Variants in TRANK1 observed in about 807,000 individuals in gnomAD.
The protein encoded by TRANK1 is TPR and ankyrin repeat-containing protein 1.
Under a neutral mutation model 266.0 loss-of-function variants are expected in TRANK1, and 198 were observed. The observed-to-expected ratio is 0.74, with a 90% CI of 0.66 to 0.84. The LOEUF (loss-of-function observed/expected upper bound fraction) is 0.84, where lower values mean the gene tolerates loss of function less well. Among genes scored for constraint, TRANK1 ranks in the 40% least tolerant of loss-of-function variants. The pLI is 0.00. For synonymous variants in TRANK1, 1,396 were observed against 1,384.1 expected (o/e 1.01, Z -0.19); for missense variants, 3,326 against 3,634.6 (o/e 0.92, Z 2.18).
intron 21 of TRANK1, 74 bp from the exon 22 acceptor site, chr3:36,833,993 C>A: frequency 7.0e-6 from 10 of 1,420,080 alleles, no homozygotes; most frequent in Non-Finnish European, 8.4e-6. Flanking sequence ...AAATACAGTG[C>A]AGAGCAACTT....
intron 8 of TRANK1, among the ~76,000 whole-genome samples, chr3:36,881,879 T>C (rs1341039735): frequency 6.6e-6 from 1 of 152,200 alleles, no homozygotes; most frequent in Non-Finnish European, 1.5e-5. Context: ...TTCTTTCACC[T>C]AGCATAACGC....
At chr3:36,939,744 C>G (rs1282616293) in intron 1 of TRANK1, among the ~76,000 whole-genome samples, 2 of 152,240 alleles carry the variant, frequency 1.3e-5, no homozygotes, top group East Asian at 3.9e-4. Flanking sequence ...AGCTCACATT[C>G]CAGTACAGGT....
chr3:36,908,475 CGCTT>C, intron 1 of TRANK1, 21 bp from the exon 2 acceptor site: 1 of 1,232,166 alleles, frequency 8.1e-7, no homozygotes, highest in Non-Finnish European at 1.0e-6. Context: ...ACGGGGGAGA[CGCTT>C]GCTGCCAGAC....
rs1318813100 is a variant in TRANK1 at position 36,852,282 on chromosome 3, T to C, written c.4613A>G (p.Asp1538Gly). The C allele has an allele frequency of 6.2e-7, 1 of 1,612,428 alleles. No individual in the cohort carries two copies. The highest frequency in any genetic ancestry group is 8.5e-7 in the Non-Finnish European group (1 of 1,179,258). ...LLQFYFPESF[D>G]RLPRDSGLFD... The stretch of plus-strand genomic sequence containing the variant: ...GAGGCCAGAATCCCTTGGAAGGCGA[T>C]CAAAAGATTCTGGGAAATAGAACTG... The change falls in exon 14 of 24, where the codon GAT (aspartate) becomes GGT (glycine). Residue 1538 changes from aspartate to glycine, a missense_variant. By Grantham distance (94) the Asp-to-Gly change is moderately conservative. Transcript: ENST00000645898.
Position 36,855,620 on chromosome 3 carries a change from G to T in TRANK1, c.4102C>A (p.Leu1368Ile). The part of the protein sequence containing the change: ...FEALSCPHGR[L>I]TEEVYKKLGR... ...AATTTCTTATATACTTCTTCAGTGA[G>T]TCTCCCATGGGGACAGCTGAGGGCC... Residue 1368 changes from leucine (L) to isoleucine (I), a missense_variant, in exon 13 of 24, where the codon CTC becomes ATC. Coordinates refer to ENST00000645898, the MANE Select transcript of TRANK1 (RefSeq NM_001329998.2). 6.2e-7 allele frequency: 1 copy of T among 1,613,880 alleles called. No individual in the cohort carries two copies. The highest frequency in any genetic ancestry group is 8.5e-7 in the Non-Finnish European group (1 of 1,179,866).
chr3:36,859,236 G>A (rs893825349), intron 11 of TRANK1, among the ~76,000 whole-genome samples: 42 of 150,666 alleles, frequency 2.8e-4, no homozygotes, highest in Non-Finnish European at 5.3e-4. Flanking sequence ...ACCTGACACA[G>A]TCAGTGTGAG....
intron 1 of TRANK1, among the ~76,000 whole-genome samples, chr3:36,913,400 T>TGCTTGCTTGCTTGCTC (rs1239907325): frequency 6.6e-5 from 10 of 152,060 alleles, no homozygotes; most frequent in African/African-American, 2.4e-4. Context: ...TTTGCTTGCT[T>TGCTTGCTTGCTTGCTC]GCTTGCTTGC....
At chr3:36,858,956 G>C in intron 11 of TRANK1, 62 bp from the exon 12 acceptor site, 1 of 1,437,062 alleles carries the variant, frequency 7.0e-7, no homozygotes, top group Non-Finnish European at 9.2e-7. Flanking sequence ...CCTGACGAGA[G>C]AAGGAATGCT....
In TRANK1 at chr3:36,860,997, G is replaced by A; in HGVS notation, c.1404C>T (p.Phe468=). Residue 468 remains phenylalanine (F), a synonymous_variant, in exon 11 of 24, where the codon TTC becomes TTT. Transcript: ENST00000645898. ...LGDCLIKDCN[F]SDLDICTIIP... is the part of the protein sequence containing the mutation. ...TGATGGTACAGATGTCGAGGTCTGA[G>A]AAGTTGCAGTCTTTGATGAGGCAAT... 1 of 1,537,902 alleles carries A rather than the reference G, an allele frequency of 6.5e-7. No individual in the cohort carries two copies. The highest frequency in any genetic ancestry group is 2.4e-5 in the East Asian group (1 of 40,918).
At chr3:36,897,926 T>C (rs949250802) in intron 4 of TRANK1, among the ~76,000 whole-genome samples, 2 of 152,210 alleles carry the variant, frequency 1.3e-5, no homozygotes, top group African/African-American at 2.4e-5. Context: ...CAAAGCTATG[T>C]CTTAGGCCAG....
chr3:36,939,054 TGGAACCCA>T lies in TRANK1; in HGVS notation c.23+5725_23+5732del, dbSNP rs554777988. Among the ~76,000 whole-genome samples the T allele has an allele frequency of 1.7e-3, 255 of 152,066 alleles. 1 individual carries two copies. Among genetic ancestry groups the T allele is most frequent in the Middle Eastern group, 6.8e-3 (2 of 294 alleles). On this transcript the variant is annotated intron_variant, in intron 1 of 23. Coordinates refer to ENST00000645898, the MANE Select transcript of TRANK1 (RefSeq NM_001329998.2). Reference sequence around the variant, plus strand: ...TGAGAGTCTGAGGCAGGAGAATCGCTGGAACCCAGGAGGTGGAGGATGCAGTGAGCTGA... The same window carrying T: ...TGAGAGTCTGAGGCAGGAGAATCGCTGGAGGTGGAGGATGCAGTGAGCTGA...
At position 36,895,675 on chromosome 3, in the gene TRANK1, C is replaced by G. The variant is rs895138674; in HGVS notation, c.517G>C (p.Val173Leu). The change falls in exon 5 of 24, where the codon GTA becomes CTA. Residue 173 changes from valine to leucine, a missense_variant. Transcript: ENST00000645898. Reference protein sequence around the residue: ...TGFPTEVWQSVIEKLAKKGLW... With the variant: ...TGFPTEVWQSLIEKLAKKGLW... ...CCTTTCTTTGCCAACTTTTCTATTA[C>G]AGATTGCCACACTTCTGTTGGGAAT... 1 of 1,536,144 alleles carries G rather than the reference C, an allele frequency of 6.5e-7. No homozygotes were observed. Among genetic ancestry groups the G allele is most frequent in the Non-Finnish European group, 8.7e-7 (1 of 1,146,560 alleles).
chr3:36,884,289 A>G (rs979551626), intron 8 of TRANK1, among the ~76,000 whole-genome samples: 1 of 152,234 alleles, frequency 6.6e-6, no homozygotes, highest in African/African-American at 2.4e-5. Flanking sequence ...CCGCTTCGCA[A>G]TGGCATACCT....
chr3:36,910,763 A>C (rs1172815344), intron 1 of TRANK1, among the ~76,000 whole-genome samples: 1 of 150,404 alleles, frequency 6.6e-6, no homozygotes, highest in Non-Finnish European at 1.5e-5. Flanking sequence ...AAAATAAAAT[A>C]AAATCATGTT....
Position 36,833,665 on chromosome 3 carries a change from C to T in TRANK1, c.5918G>A (p.Gly1973Asp). The T allele has an allele frequency of 6.2e-7, 1 of 1,613,980 alleles. No homozygotes were observed. Among genetic ancestry groups the T allele is most frequent in the Non-Finnish European group, 8.5e-7 (1 of 1,179,874 alleles). ...GAGCCTGGCAGCCTCCAGGAGGCAG[C>T]CATGTTGCTTCATCAGCAGGGCAGC... ...EEAALLMKQH[G>D]CLLEAARLTA... Residue 1973 changes from glycine (G) to aspartate (D), a missense_variant, in exon 22 of 24, where the codon GGC (glycine) becomes GAC (aspartate). Transcript: ENST00000645898.
At chr3:36,928,932 T>A (rs2080324536) in intron 1 of TRANK1, among the ~76,000 whole-genome samples, 1 of 152,136 alleles carries the variant, frequency 6.6e-6, no homozygotes, top group Admixed American at 6.5e-5. Context: ...AATAAAATGT[T>A]TAAAGAAATT....
intron 21 of TRANK1, 105 bp downstream of exon 21, chr3:36,834,657 G>A (rs2078743192): frequency 1.8e-5 from 25 of 1,363,694 alleles, no homozygotes; most frequent in Non-Finnish European, 2.4e-5. Context: ...GAGCAATGTG[G>A]TCAAACCATG....
intron 20 of TRANK1, among the ~76,000 whole-genome samples, chr3:36,835,127 G>A (rs907680217): frequency 6.6e-6 from 1 of 151,510 alleles, no homozygotes; most frequent in Non-Finnish European, 1.5e-5. Context: ...AGACCATCCC[G>A]GCTAAAACGG....
Position 36,857,033 on chromosome 3 carries a change from C to A in TRANK1, c.2689G>T (p.Ala897Ser). The change falls in exon 13 of 24, where the codon GCC (alanine) becomes TCC (serine). Residue 897 changes from alanine to serine, a missense_variant. Coordinates refer to ENST00000645898, the MANE Select transcript of TRANK1 (RefSeq NM_001329998.2). The surrounding 1 kb of genome is among the most constrained non-coding windows in gnomAD (Gnocchi z 4.3). ...QLFEAKLDKG[A>S]RMLWELAIDF... ...ATGGCGAGCTCCCAGAGCATCCGGG[C>A]TCCTTTGTCCAGCTTAGCTTCGAAG... 6.2e-7 allele frequency: 1 copy of A among 1,613,996 alleles called. No homozygotes were observed. The highest frequency in any genetic ancestry group is 8.5e-7 in the Non-Finnish European group (1 of 1,179,876).
Sources: gnomAD v4.1 joint callset for allele counts (sites outside exome capture counted in the v4.1 genomes callset) on GRCh38, gnomAD v4.1.1 for gene constraint, Gnocchi (gnomAD v3.1) non-coding constraint, MANE v1.5 for transcripts, NCBI Gene and HGNC (gene_info 2026-07-23, HGNC 2026-07-21) for gene names.